DLEC1: variants seen among roughly 807,000 people sequenced by gnomAD.
DLEC1 encodes deleted in lung and esophageal cancer protein 1.
DLEC1 carries 146 observed loss-of-function variants against 198.1 expected under a neutral mutation model. That is an observed-to-expected ratio of 0.74 (90% CI 0.64 to 0.85). The LOEUF (loss-of-function observed/expected upper bound fraction) is 0.85, where lower values mean the gene tolerates loss of function less well. Among genes scored for constraint, DLEC1 ranks in the 40% least tolerant of loss-of-function variants. The pLI is 0.00. For synonymous variants in DLEC1, 897 were observed against 866.8 expected, an observed-to-expected ratio of 1.03 and a Z score of -0.61; for missense variants, 2,233 against 2,220.0, an observed-to-expected ratio of 1.01 and a Z score of -0.12.
At chr3:38,071,912 T>C (rs183481014) in intron 6 of DLEC1, among the ~76,000 whole-genome samples, 1 of 152,294 alleles carries the variant, frequency 6.6e-6, no homozygotes, top group East Asian at 1.9e-4. Flanking sequence ...TTAAGGCAAC[T>C]AGTCTGGCTT....
intron 34 of DLEC1, among the ~76,000 whole-genome samples, chr3:38,121,117 G>A (rs145091026): frequency 2.0e-5 from 3 of 152,348 alleles, no homozygotes; most frequent in Admixed American, 6.5e-5. Flanking sequence ...GAGGCCGGGG[G>A]CAGGAGGCTG....
chr3:38,108,593 C>A (rs1699694194), intron 21 of DLEC1, 78 bp downstream of exon 21: 1 of 1,186,544 alleles, frequency 8.4e-7, no homozygotes, highest in Non-Finnish European at 1.2e-6. Context: ...CCAGGGAGGC[C>A]CTAGCTTAGG....
At position 38,117,671 on chromosome 3, in the gene DLEC1, T is replaced by G. The variant is rs1321455429; in HGVS notation, c.4485+60T>G. 5.6e-6 allele frequency: 9 copies of G among 1,611,576 alleles called. No homozygotes were observed. In the East Asian group the frequency reaches 2.0e-4, roughly 36 times the overall value. On this transcript the variant is annotated intron_variant, in intron 32 of 36. Coordinates refer to ENST00000308059, the MANE Select transcript of DLEC1 (RefSeq NM_007335.4). ...TACCTGGACCTCAGATGTCTCTGTG[T>G]GCCCTTGTGGGACTCAGGCCTTATA... is the stretch of plus-strand genomic sequence containing the variant.
chr3:38,050,836 T>C (rs972795699), intron 2 of DLEC1, among the ~76,000 whole-genome samples: 1 of 152,218 alleles, frequency 6.6e-6, no homozygotes, highest in East Asian at 1.9e-4. Context: ...GATGGAACTC[T>C]CAATGAACAT....
In DLEC1 at chr3:38,112,423, AG is replaced by A; in HGVS notation, c.3666+63del. 6.3e-7 allele frequency: 1 copy of A among 1,594,224 alleles called. No individual in the cohort carries two copies. The highest frequency in any genetic ancestry group is 8.6e-7 in the Non-Finnish European group (1 of 1,165,772). On this transcript the variant is annotated intron_variant, in intron 25 of 36. Coordinates refer to ENST00000308059, the MANE Select transcript of DLEC1 (RefSeq NM_007335.4). The surrounding 1 kb of genome is among the most constrained non-coding windows in gnomAD (Gnocchi z 4.8). The stretch of plus-strand genomic sequence containing the variant: ...GAGAGTCTGCCCAGCCCTCGCCTTC[AG>A]CCTCTCTCCCCTCCAACACCTGGCC...
chr3:38,074,904 G>A (rs1210690724), intron 6 of DLEC1, among the ~76,000 whole-genome samples: 1 of 152,178 alleles, frequency 6.6e-6, no homozygotes, highest in East Asian at 1.9e-4. Context: ...AAAGGTACAT[G>A]TACCCTGACT....
chr3:38,099,176 C>T (rs1699179335), intron 18 of DLEC1, among the ~76,000 whole-genome samples: 1 of 152,200 alleles, frequency 6.6e-6, no homozygotes, highest in South Asian at 2.1e-4. Context: ...TCCCCACATT[C>T]CAGTCCCCTG....
At chr3:38,041,569 C>T (rs1158628385) in intron 1 of DLEC1, among the ~76,000 whole-genome samples, 1 of 151,986 alleles carries the variant, frequency 6.6e-6, no homozygotes, top group Non-Finnish European at 1.5e-5. Context: ...AACTATGCGG[C>T]CGGGCGTGGT....
intron 25 of DLEC1, among the ~76,000 whole-genome samples, chr3:38,113,125 C>T (rs1699974433): frequency 6.6e-6 from 1 of 152,078 alleles, no homozygotes. Flanking sequence ...CCAAGAAAGA[C>T]AAATACAGAC....
intron 22 of DLEC1, 82 bp downstream of exon 22, chr3:38,109,644 G>A: frequency 3.1e-6 from 5 of 1,597,382 alleles, no homozygotes; most frequent in East Asian, 2.2e-5. Flanking sequence ...CGGCACTGTG[G>A]TATCAGTCTG....
At chr3:38,069,465 C>T (rs1697200393) in intron 6 of DLEC1, among the ~76,000 whole-genome samples, 1 of 151,976 alleles carries the variant, frequency 6.6e-6, no homozygotes, top group South Asian at 2.1e-4. Flanking sequence ...TAAAAAACAG[C>T]AAACCAAACC....
At chr3:38,082,502 C>T (rs1191859131) in intron 6 of DLEC1, among the ~76,000 whole-genome samples, 6 of 152,158 alleles carry the variant, frequency 3.9e-5, no homozygotes, top group South Asian at 4.1e-4. Context: ...GTTCTTAACC[C>T]TCCAGAAAAG....
Position 38,110,994 on chromosome 3 carries a change from C to A in DLEC1, c.3444-683C>A, listed in dbSNP as rs139522726. ...CATACATGCTCATATACACACACAC[C>A]CACATACACACATACACATAGGTGT... On this transcript the variant is annotated intron_variant, in intron 23 of 36. Coordinates refer to ENST00000308059, the MANE Select transcript of DLEC1 (RefSeq NM_007335.4). Among the ~76,000 whole-genome samples, 229 of 152,068 alleles carry A rather than the reference C, an allele frequency of 1.5e-3. 2 individuals are homozygous for A. The East Asian group carries it at 0.037, about 25-fold the overall frequency.
At chr3:38,098,194 G>C (rs988593438) in intron 18 of DLEC1, among the ~76,000 whole-genome samples, 11 of 152,134 alleles carry the variant, frequency 7.2e-5, no homozygotes, top group Non-Finnish European at 1.6e-4. Flanking sequence ...GGCAGGAAGA[G>C]ATGGGCAGCT....
At chr3:38,084,515 A>AGTAGTAGTAGTGGTGGTG (rs1559430604) in intron 7 of DLEC1, among the ~76,000 whole-genome samples, 1 of 1,920 alleles carries the variant, frequency 5.2e-4, no homozygotes, top group Non-Finnish European at 1.4e-3. Context: ...TAGTAGTAGT[A>AGTAGTAGTAGTGGTGGTG]GTGGTAGTAG....
chr3:38,115,784 G>A (rs1298013395), intron 27 of DLEC1, among the ~76,000 whole-genome samples: 4 of 152,152 alleles, frequency 2.6e-5, no homozygotes, highest in Admixed American at 2.6e-4. Flanking sequence ...GTGTGGGAAG[G>A]CAGATGGAGG....
chr3:38,079,793 C>G (rs558280986), intron 6 of DLEC1, among the ~76,000 whole-genome samples: 3 of 152,084 alleles, frequency 2.0e-5, no homozygotes, highest in South Asian at 2.1e-4. Flanking sequence ...GCGGTTCAGG[C>G]GTTTGGAAGT....
chr3:38,046,217 T>C (rs1178274713), intron 2 of DLEC1, among the ~76,000 whole-genome samples: 1 of 152,182 alleles, frequency 6.6e-6, no homozygotes, highest in African/African-American at 2.4e-5. Flanking sequence ...TTTGTGTGTG[T>C]GTGTAGGGTT....
At chr3:38,099,793 G>C (rs1190578667) in intron 18 of DLEC1, among the ~76,000 whole-genome samples, 1 of 149,004 alleles carries the variant, frequency 6.7e-6, no homozygotes, top group Non-Finnish European at 1.5e-5. Flanking sequence ...GGGTGGGGGC[G>C]GGTAAATGAG....
Sources: gnomAD v4.1 joint callset for allele counts (sites outside exome capture counted in the v4.1 genomes callset) on GRCh38, gnomAD v4.1.1 for gene constraint, Gnocchi (gnomAD v3.1) non-coding constraint, MANE v1.5 for transcripts, NCBI Gene and HGNC (gene_info 2026-07-23, HGNC 2026-07-21) for gene names.